DCC: variants seen among roughly 807,000 people sequenced by gnomAD.
The protein encoded by DCC is netrin receptor DCC.
DCC carries 58 observed loss-of-function variants against 172.5 expected under a neutral mutation model. The observed-to-expected ratio is 0.34, with a 90% CI of 0.27 to 0.42. The LOEUF (loss-of-function observed/expected upper bound fraction) is 0.42, where lower values mean the gene tolerates loss of function less well. Among genes scored for constraint, DCC ranks in the 10% least tolerant of loss-of-function variants. The pLI is 1.00. For missense variants in DCC, 1,740 were observed against 1,791.0 expected (o/e 0.97, Z 0.51); for synonymous variants, 709 against 644.5 (o/e 1.10, Z -1.52).
intron 1 of DCC, among the ~76,000 whole-genome samples, chr18:52,672,511 C>G (rs1193919972): frequency 1.3e-5 from 2 of 151,882 alleles, no homozygotes; most frequent in African/African-American, 4.8e-5. Flanking sequence ...TCTTTCCTTA[C>G]TTCCTCATTC....
chr18:53,119,616 G>A (rs1001240050), intron 7 of DCC, among the ~76,000 whole-genome samples: 2 of 151,864 alleles, frequency 1.3e-5, no homozygotes, highest in African/African-American at 4.8e-5. Flanking sequence ...ATCTGGAAAG[G>A]TATGTGATAA....
At chr18:53,452,242 C>T (rs922363342) in intron 23 of DCC, among the ~76,000 whole-genome samples, 5 of 152,154 alleles carry the variant, frequency 3.3e-5, no homozygotes, top group African/African-American at 1.2e-4. Flanking sequence ...TTAAGAGGGA[C>T]TCATGTAAAA....
At chr18:52,561,096 T>C (rs541139439) in intron 1 of DCC, among the ~76,000 whole-genome samples, 2 of 152,242 alleles carry the variant, frequency 1.3e-5, no homozygotes, top group Admixed American at 1.3e-4. Flanking sequence ...CCATCTTTAT[T>C]CAAGATTTTT....
intron 15 of DCC, among the ~76,000 whole-genome samples, chr18:53,373,517 G>T (rs1012438799): frequency 1.3e-5 from 2 of 152,032 alleles, no homozygotes; most frequent in Non-Finnish European, 2.9e-5. Flanking sequence ...ACTCATTATT[G>T]TAGTTATTAT....
At chr18:53,124,430 T>A (rs1305174511) in intron 7 of DCC, among the ~76,000 whole-genome samples, 1 of 152,106 alleles carries the variant, frequency 6.6e-6, no homozygotes, top group Admixed American at 6.6e-5. Context: ...GTGGGGTTCT[T>A]CAAAATGTTT....
chr18:53,149,820 A>G (rs2043971854), intron 7 of DCC, among the ~76,000 whole-genome samples: 1 of 152,112 alleles, frequency 6.6e-6, no homozygotes, highest in Admixed American at 6.5e-5. Flanking sequence ...TTCTCAGTTT[A>G]TCTCTTTGTG....
At chr18:53,023,598 A>T (rs956944428) in intron 5 of DCC, among the ~76,000 whole-genome samples, 7 of 151,950 alleles carry the variant, frequency 4.6e-5, no homozygotes, top group African/African-American at 1.7e-4. Flanking sequence ...GGAAAAACAA[A>T]ATCTGGACCC....
At chr18:53,362,186 T>A (rs750761409) in intron 15 of DCC, among the ~76,000 whole-genome samples, 16 of 152,322 alleles carry the variant, frequency 1.1e-4, no homozygotes, top group Non-Finnish European at 2.1e-4. Context: ...AGTAAAACTT[T>A]GGGGACGATT....
chr18:52,506,913 T>C (rs1250384900), intron 1 of DCC, among the ~76,000 whole-genome samples: 1 of 152,182 alleles, frequency 6.6e-6, no homozygotes, highest in Non-Finnish European at 1.5e-5. Flanking sequence ...AGTTGTAGCA[T>C]TGATATTTTA....
chr18:52,546,826 T>C (rs1303829417), intron 1 of DCC, among the ~76,000 whole-genome samples: 2 of 152,098 alleles, frequency 1.3e-5, no homozygotes, highest in Non-Finnish European at 2.9e-5. Flanking sequence ...TCTGTAAACC[T>C]ATAAAGCAGA....
At chr18:52,857,484 A>G (rs909188385) in intron 2 of DCC, among the ~76,000 whole-genome samples, 1 of 152,162 alleles carries the variant, frequency 6.6e-6, no homozygotes, top group African/African-American at 2.4e-5. Context: ...CAATTGTACA[A>G]ATGACCCACT....
chr18:53,093,334 T>C (rs1255400756), intron 7 of DCC, among the ~76,000 whole-genome samples: 7 of 152,184 alleles, frequency 4.6e-5, no homozygotes, highest in Admixed American at 3.3e-4. Context: ...GACTTAATAT[T>C]GATGATAAAA....
At chr18:53,145,112 T>TTTC (rs2094388446) in intron 7 of DCC, among the ~76,000 whole-genome samples, 1 of 126,984 alleles carries the variant, frequency 7.9e-6, no homozygotes, top group Non-Finnish European at 1.7e-5. Flanking sequence ...CTGCTTTTTT[T>TTTC]TTTTTTTTTT....
intron 2 of DCC, among the ~76,000 whole-genome samples, chr18:52,826,944 C>T (rs113366255): frequency 2.4e-3 from 368 of 152,248 alleles, no homozygotes; most frequent in African/African-American, 8.4e-3. Flanking sequence ...AGTATAGTAA[C>T]TATTTACATA....
chr18:52,955,384 T>C (rs1228548334), intron 5 of DCC, among the ~76,000 whole-genome samples: 3 of 57,222 alleles, frequency 5.2e-5, no homozygotes, highest in Non-Finnish European at 1.1e-4. Flanking sequence ...TTAGTAGACC[T>C]TTTTTTTTTG....
intron 5 of DCC, among the ~76,000 whole-genome samples, chr18:52,934,456 A>G (rs1175726626): frequency 6.6e-6 from 1 of 152,144 alleles, no homozygotes; most frequent in Non-Finnish European, 1.5e-5. Flanking sequence ...TGTCTTCTAC[A>G]TTTTGATCAC....
intron 15 of DCC, among the ~76,000 whole-genome samples, chr18:53,381,951 GT>G (rs761073812): frequency 2.6e-5 from 4 of 151,844 alleles, no homozygotes; most frequent in Admixed American, 6.6e-5. Flanking sequence ...GACCTGAATA[GT>G]GGCTCCACTC....
intron 2 of DCC, among the ~76,000 whole-genome samples, chr18:52,824,142 A>C (rs568324858): frequency 3.9e-5 from 6 of 152,348 alleles, no homozygotes; most frequent in African/African-American, 1.2e-4. Context: ...TGGCTTCGAC[A>C]CACGGAAAAG....
At chr18:52,628,801 C>G (rs903804389) in intron 1 of DCC, among the ~76,000 whole-genome samples, 4 of 152,204 alleles carry the variant, frequency 2.6e-5, no homozygotes, top group African/African-American at 7.2e-5. Flanking sequence ...GCTAGAACTT[C>G]TGTCTCAGAT....
Sources: allele counts gnomAD v4.1 joint callset (sites outside exome capture counted in the v4.1 genomes callset), GRCh38; gene constraint gnomAD v4.1.1; transcripts MANE v1.5; gene names NCBI Gene and HGNC (gene_info 2026-07-23, HGNC 2026-07-21).